Variants in SLC4A4 observed in about 807,000 individuals in gnomAD.
SLC4A4 encodes the protein solute carrier family 4 member 4.
A neutral mutation model predicts 111.5 loss-of-function variants in SLC4A4; 27 were observed. The observed-to-expected ratio is 0.24, with a 90% CI of 0.18 to 0.33. The LOEUF is 0.33. SLC4A4 is among the 10% of genes least tolerant of loss of function. The pLI is 1.00. For missense variants in SLC4A4, 909 were observed against 1,315.5 expected (o/e 0.69, Z 4.78); for synonymous variants, 443 against 463.4 (o/e 0.96, Z 0.57).
rs371613895 is a variant in SLC4A4, at chr4:71,152,695, G to A, written c.-2+59903G>A. Among the ~76,000 whole-genome samples, 52 of 151,914 alleles carry A rather than the reference G, an allele frequency of 3.4e-4. No individual in the cohort carries two copies. In the South Asian group the frequency reaches 8.5e-3, roughly 25 times the overall value. Reference sequence around the variant, plus strand: ...AGGACATTCTTACACATCTCTTGACGCACATGTGCATCAGATTCCTAAAAT... The same window carrying A: ...AGGACATTCTTACACATCTCTTGACACACATGTGCATCAGATTCCTAAAAT... On this transcript the variant is annotated intron_variant, in intron 2 of 26. Coordinates refer to the SLC4A4 transcript ENST00000649996.
intron 2 of SLC4A4, among the ~76,000 whole-genome samples, chr4:71,102,817 T>C (rs1742797484): frequency 1.3e-5 from 2 of 151,616 alleles, no homozygotes; most frequent in Admixed American, 6.6e-5. Context: ...TGCAAAATCA[T>C]GCCAAAATGT....
chr4:71,139,538 A>G (rs560002546), intron 2 of SLC4A4, among the ~76,000 whole-genome samples: 2 of 152,262 alleles, frequency 1.3e-5, no homozygotes, highest in African/African-American at 2.4e-5. Context: ...CTAGCAGTTG[A>G]TGATAAGCCC....
chr4:71,488,465 A>T (rs1729614899), intron 15 of SLC4A4, among the ~76,000 whole-genome samples: 1 of 151,650 alleles, frequency 6.6e-6, no homozygotes, highest in Non-Finnish European at 1.5e-5. Flanking sequence ...ATGTCATTTC[A>T]ACTTAGCTAC....
chr4:71,292,744 A>C (rs1479057510), intron 3 of SLC4A4, among the ~76,000 whole-genome samples: 5 of 152,152 alleles, frequency 3.3e-5, no homozygotes, highest in Non-Finnish European at 7.3e-5. Context: ...AAATGAGAGG[A>C]AAAAAGATAG....
intron 2 of SLC4A4, among the ~76,000 whole-genome samples, chr4:71,151,468 T>G (rs1744310030): frequency 6.6e-6 from 1 of 152,138 alleles, no homozygotes; most frequent in Non-Finnish European, 1.5e-5. Flanking sequence ...ACATAGCCTT[T>G]GTCATTTTTA....
intron 7 of SLC4A4, among the ~76,000 whole-genome samples, chr4:71,423,433 A>T (rs1371902844): frequency 6.6e-6 from 1 of 152,252 alleles, no homozygotes; most frequent in African/African-American, 2.4e-5. Flanking sequence ...TTATAGATTC[A>T]ATGCCATGCC....
intron 12 of SLC4A4, among the ~76,000 whole-genome samples, chr4:71,461,340 TC>T (rs1339290514): frequency 1.4e-4 from 21 of 152,266 alleles, no homozygotes; most frequent in African/African-American, 4.3e-4. Flanking sequence ...GTCACTTTTC[TC>T]CTTAGCCTTT....
intron 2 of SLC4A4, among the ~76,000 whole-genome samples, chr4:71,119,015 A>AG (rs71673459): frequency 0.078 from 11,879 of 152,254 alleles, 501 homozygotes; most frequent in South Asian, 0.13. Context: ...CTAAACCCAT[A>AG]GCAAGCATAA....
chr4:71,539,200 C>T (rs1247913915), intron 18 of SLC4A4, among the ~76,000 whole-genome samples: 1 of 152,088 alleles, frequency 6.6e-6, no homozygotes, highest in African/African-American at 2.4e-5. Flanking sequence ...CCTATAGACT[C>T]AGTCCTTTTA....
chr4:71,427,797 A>C (rs1327290538), intron 7 of SLC4A4, among the ~76,000 whole-genome samples: 1 of 152,182 alleles, frequency 6.6e-6, no homozygotes, highest in Non-Finnish European at 1.5e-5. Flanking sequence ...GCATAGGCTT[A>C]CAACCATCCA....
rs181072814 is a variant in SLC4A4 at position 71,391,271 on chromosome 4, A to C, written c.731-6306A>C. On this transcript the variant is annotated intron_variant, in intron 6 of 25. Transcript: ENST00000264485. ...GTTATTTATTCTTAAGAATAAAAAA[A>C]GATTCAATTTATTTCATAGGCCATG... Among the ~76,000 whole-genome samples, 109 of 152,228 alleles carry C rather than the reference A, an allele frequency of 7.2e-4. 1 individual carries two copies. Among genetic ancestry groups the C allele is most frequent in the Middle Eastern group, 6.8e-3 (2 of 294 alleles).
intron 2 of SLC4A4, among the ~76,000 whole-genome samples, chr4:71,247,353 A>G (rs1720751388): frequency 1.3e-5 from 2 of 148,482 alleles, no homozygotes; most frequent in African/African-American, 2.4e-5. Context: ...ATATTAAAAT[A>G]TATAATATTT....
intron 2 of SLC4A4, among the ~76,000 whole-genome samples, chr4:71,150,400 A>C (rs1470616994): frequency 1.3e-5 from 2 of 152,128 alleles, no homozygotes; most frequent in Non-Finnish European, 1.5e-5. Flanking sequence ...TCTGGGAACC[A>C]AGGTTTGGTT....
intron 6 of SLC4A4, among the ~76,000 whole-genome samples, chr4:71,368,902 T>C (rs1380186634): frequency 6.6e-6 from 1 of 152,150 alleles, no homozygotes; most frequent in Non-Finnish European, 1.5e-5. Flanking sequence ...GTCTTTGTAA[T>C]GTGTCATTGT....
chr4:71,143,666 T>C (rs1744075912), intron 2 of SLC4A4, among the ~76,000 whole-genome samples: 1 of 152,248 alleles, frequency 6.6e-6, no homozygotes, highest in Admixed American at 6.5e-5. Context: ...TGGTATCTCA[T>C]TGTGGTTTTG....
chr4:71,501,655 TA>T (rs538722813), intron 16 of SLC4A4, among the ~76,000 whole-genome samples: 41 of 151,400 alleles, frequency 2.7e-4, no homozygotes, highest in Non-Finnish European at 4.0e-4. Context: ...AATTAGTTAA[TA>T]TTTTTTGTTT....
intron 3 of SLC4A4, among the ~76,000 whole-genome samples, chr4:71,332,449 T>C (rs1337979173): frequency 5.4e-5 from 8 of 149,286 alleles, no homozygotes; most frequent in Admixed American, 2.0e-4. Flanking sequence ...TATTTTCTTT[T>C]TTTTTTTTTT....
chr4:71,559,249 T>C (rs1216066664), intron 22 of SLC4A4, among the ~76,000 whole-genome samples: 1 of 151,872 alleles, frequency 6.6e-6, no homozygotes, highest in Non-Finnish European at 1.5e-5. Flanking sequence ...ATATTAATTT[T>C]AATATAGAAT....
intron 2 of SLC4A4, among the ~76,000 whole-genome samples, chr4:71,163,803 T>C (rs541562190): frequency 1.3e-5 from 2 of 152,356 alleles, no homozygotes; most frequent in African/African-American, 4.8e-5. Flanking sequence ...ACAAAGAATG[T>C]ATGGCTGGCA....
Sources: gnomAD v4.1 joint callset for allele counts (sites outside exome capture counted in the v4.1 genomes callset) on GRCh38, gnomAD v4.1.1 for gene constraint, MANE v1.5 for transcripts, NCBI Gene and HGNC (gene_info 2026-07-23, HGNC 2026-07-21) for gene names.